The following MLLT10 variants were observed in gnomAD, a reference collection of about 807,000 sequenced individuals.
The protein encoded by MLLT10 is protein AF-10.
In MLLT10, 30 loss-of-function variants were observed where a neutral mutation model predicts 129.1. That is an observed-to-expected ratio of 0.23 (90% CI 0.17 to 0.32). The LOEUF (loss-of-function observed/expected upper bound fraction) is 0.32. Ranked by LOEUF, MLLT10 falls within the 10% of genes least tolerant of loss-of-function variation. MLLT10 has a pLI of 1.00. For missense variants in MLLT10, 1,119 were observed against 1,268.3 expected, an observed-to-expected ratio of 0.88 and a Z score of 1.79; for synonymous variants, 490 against 446.4, an observed-to-expected ratio of 1.10 and a Z score of -1.23.
At chr10:21,571,236 T>C (rs1477063718) in intron 3 of MLLT10, among the ~76,000 whole-genome samples, 2 of 152,226 alleles carry the variant, frequency 1.3e-5, no homozygotes, top group East Asian at 3.8e-4. Flanking sequence ...CATCTTGCCA[T>C]TGGATAGCTC....
chr10:21,727,919 T>TCTCGCCACC lies in MLLT10; in HGVS notation c.2062_2063insCCTCGCCAC (p.Pro687_Arg688insProSerPro). ...AGAGGAAGCTCACCCCGAGGAAGTC[T>TCTCGCCACC]CTCGCCACGGTAAGCGCTATTTACA... On this transcript the variant is annotated inframe_insertion, in exon 16 of 23. Transcript: ENST00000307729. The TCTCGCCACC allele has an allele frequency of 6.2e-7, 1 of 1,613,954 alleles. No homozygotes were observed. Among genetic ancestry groups the TCTCGCCACC allele is most frequent in the Non-Finnish European group, 8.5e-7 (1 of 1,179,962 alleles).
chr10:21,552,079 G>A lies in MLLT10; in HGVS notation c.240+13167G>A, dbSNP rs1208175788. On this transcript the variant is annotated intron_variant, in intron 3 of 22. Coordinates refer to ENST00000307729, the MANE Select transcript of MLLT10 (RefSeq NM_001195626.3). ...GTAGCTGGAACTATAGGTACACACC[G>A]CCATGCCTGTGTAATTTCTACATTT... Among the ~76,000 whole-genome samples, 6 of 152,018 alleles carry A rather than the reference G, an allele frequency of 3.9e-5. No individual in the cohort carries two copies. In the East Asian group the frequency reaches 7.7e-4, roughly 20 times the overall value.
At chr10:21,621,302 T>G (rs1258349879) in intron 8 of MLLT10, among the ~76,000 whole-genome samples, 1 of 145,094 alleles carries the variant, frequency 6.9e-6, no homozygotes, top group African/African-American at 2.6e-5. Flanking sequence ...TGGAGTGCAG[T>G]GGCGCGATCT....
intron 3 of MLLT10, among the ~76,000 whole-genome samples, chr10:21,558,328 G>GT (rs1249584936): frequency 6.6e-6 from 1 of 151,486 alleles, no homozygotes; most frequent in Admixed American, 6.6e-5. Flanking sequence ...AAAATTTTAG[G>GT]TTTAAGTATA....
intron 3 of MLLT10, among the ~76,000 whole-genome samples, chr10:21,565,405 T>A (rs1317347281): frequency 6.6e-6 from 1 of 152,150 alleles, no homozygotes; most frequent in Non-Finnish European, 1.5e-5. Context: ...CCTTCCGGAT[T>A]GAAGCGATTC....
chr10:21,560,220 G>A (rs2130993188), intron 3 of MLLT10, among the ~76,000 whole-genome samples: 1 of 152,230 alleles, frequency 6.6e-6, no homozygotes, highest in South Asian at 2.1e-4. Context: ...GGTCAGGCTG[G>A]TCTCGAACTC....
intron 21 of MLLT10, among the ~76,000 whole-genome samples, chr10:21,739,741 G>A (rs1374930673): frequency 6.6e-6 from 1 of 152,160 alleles, no homozygotes; most frequent in Non-Finnish European, 1.5e-5. Context: ...GCATTCAAAT[G>A]TCCACCTTGA....
chr10:21,593,379 G>A (rs2042699464), intron 4 of MLLT10, among the ~76,000 whole-genome samples: 1 of 152,044 alleles, frequency 6.6e-6, no homozygotes, highest in Non-Finnish European at 1.5e-5. Context: ...GTGAGCCCCT[G>A]TGCCTGGCTG....
rs199618726 is a variant in MLLT10 at position 21,600,368 on chromosome 10, AACACACACAC to A, written c.405+4954_405+4963del. Among the ~76,000 whole-genome samples, 1,377 of 144,640 alleles carry A rather than the reference AACACACACAC, an allele frequency of 9.5e-3. 17 individuals are homozygous for A. Among genetic ancestry groups the A allele is most frequent in the African/African-American group, 0.029 (1,148 of 39,784 alleles). 94.9% of individuals were successfully genotyped at this position (144,640 alleles called of 152,430 possible). A position where few individuals can be genotyped will look rare whatever the true frequency, so the allele number is the denominator to read the frequency against. On this transcript the variant is annotated intron_variant, in intron 5 of 22. Coordinates refer to ENST00000307729, the MANE Select transcript of MLLT10 (RefSeq NM_001195626.3). ...CAATATTGAATCTTTCCTGAGATAGAACACACACACACACACACACACACACACACACACA... is the reference window on the plus strand; with the variant it reads ...CAATATTGAATCTTTCCTGAGATAGAACACACACACACACACACACACACA...
Position 21,614,692 on chromosome 10 carries a change from G to A in MLLT10, c.510-139G>A, listed in dbSNP as rs144190394. The A allele has an allele frequency of 2.6e-4, 163 of 631,340 alleles. 1 individual carries two copies. In the African/African-American group the frequency reaches 2.9e-3, roughly 11 times the overall value. 39.1% of individuals were successfully genotyped at this position (631,340 alleles called of 1,614,324 possible). ...TACACTTGGTCACAGCTAGAATAAA[G>A]CTTTTTATTTTCTCATTTTTTTCTT... On this transcript the variant is annotated intron_variant, in intron 6 of 22. Transcript: ENST00000307729.
intron 3 of MLLT10, among the ~76,000 whole-genome samples, chr10:21,578,819 T>C (rs1464738444): frequency 6.6e-6 from 1 of 152,230 alleles, no homozygotes; most frequent in African/African-American, 2.4e-5. Context: ...TTGTCAGTTA[T>C]GCTATTGTCA....
At chr10:21,658,028 A>G (rs771016115) in intron 9 of MLLT10, among the ~76,000 whole-genome samples, 1 of 152,178 alleles carries the variant, frequency 6.6e-6, no homozygotes, top group Non-Finnish European at 1.5e-5. Context: ...ACACAATACA[A>G]TTATATTTAA....
At chr10:21,647,834 T>G (rs1320731130) in intron 8 of MLLT10, among the ~76,000 whole-genome samples, 2 of 152,136 alleles carry the variant, frequency 1.3e-5, no homozygotes, top group Non-Finnish European at 2.9e-5. Flanking sequence ...TTTTAATGAT[T>G]TGTTTTTTAA....
intron 3 of MLLT10, among the ~76,000 whole-genome samples, chr10:21,548,012 T>G (rs1217955353): frequency 6.6e-6 from 1 of 152,180 alleles, no homozygotes; most frequent in Non-Finnish European, 1.5e-5. Flanking sequence ...TAGTAAGTAA[T>G]AAGTAAGAAA....
Position 21,722,926 on chromosome 10 carries a change from G to GTTT in MLLT10, c.1879-3315_1879-3313dup, listed in dbSNP as rs548875086. 3.2e-3 allele frequency among the ~76,000 whole-genome samples: 483 copies of GTTT among 152,208 alleles called. 3 individuals are homozygous for GTTT. The highest frequency in any genetic ancestry group is 0.011 in the African/African-American group (465 of 41,530). ...GAAATTAATATGGAATGTAGTAGAT[G>GTTT]TTTTTATACACCAAAATGACTCTAT... On this transcript the variant is annotated intron_variant, in intron 14 of 22. Transcript: ENST00000307729.
intron 8 of MLLT10, among the ~76,000 whole-genome samples, chr10:21,632,044 T>A (rs1264261002): frequency 1.3e-5 from 2 of 152,096 alleles, no homozygotes; most frequent in Non-Finnish European, 2.9e-5. Context: ...AGGAAGCTAT[T>A]ATTTAACTGA....
chr10:21,664,283 TG>T (rs1451581422), intron 9 of MLLT10, among the ~76,000 whole-genome samples: 2 of 152,004 alleles, frequency 1.3e-5, no homozygotes, highest in East Asian at 3.9e-4. Context: ...AAACATTCTA[TG>T]TATGTGTTTT....
Position 21,727,882 on chromosome 10 carries a change from A to G in MLLT10, c.2017A>G (p.Asn673Asp). The stretch of plus-strand genomic sequence containing the variant: ...TCAAGATCTTGGAGACAATAGCCGC[A>G]ACCTAGTTGGCAGAGGAAGCTCACC... ...TDQDLGDNSR[N>D]LVGRGSSPRG... The change falls in exon 16 of 23, where the codon AAC (asparagine) becomes GAC (aspartate). Residue 673 changes from asparagine to aspartate, a missense_variant. Transcript: ENST00000307729. The G allele has an allele frequency of 1.9e-6, 3 of 1,614,094 alleles. No individual in the cohort carries two copies. The highest frequency in any genetic ancestry group is 2.2e-5 in the East Asian group (1 of 44,888).
At chr10:21,710,630 T>C (rs769855665) in intron 13 of MLLT10, among the ~76,000 whole-genome samples, 1 of 152,198 alleles carries the variant, frequency 6.6e-6, no homozygotes, top group African/African-American at 2.4e-5. Flanking sequence ...GCTTATCCCA[T>C]TGTGTTCTAT....
Sources: allele counts gnomAD v4.1 joint callset (sites outside exome capture counted in the v4.1 genomes callset), GRCh38; gene constraint gnomAD v4.1.1; transcripts MANE v1.5; gene names NCBI Gene and HGNC (gene_info 2026-07-23, HGNC 2026-07-21).